The following MROH7 variants were observed in gnomAD, a reference collection of about 807,000 sequenced individuals.
MROH7 encodes maestro heat like repeat family member 7.
Under a neutral mutation model 129.2 loss-of-function variants are expected in MROH7, and 113 were observed. The observed-to-expected ratio is 0.87, with a 90% CI of 0.75 to 1.02. The LOEUF is 1.02. Among genes scored for constraint, MROH7 ranks in the 50% least tolerant of loss-of-function variants. MROH7 has a pLI of 0.00. For missense variants in MROH7, 1,601 were observed against 1,671.3 expected (o/e 0.96, Z 0.73); for synonymous variants, 655 against 667.9 (o/e 0.98, Z 0.30).
chr1:54,681,775 G>A (rs1645072624), intron 13 of MROH7, among the ~76,000 whole-genome samples: 1 of 152,150 alleles, frequency 6.6e-6, no homozygotes, highest in South Asian at 2.1e-4. Flanking sequence ...TGTGACAAGT[G>A]CAGGATCCTA....
chr1:54,699,169 T>TTC (rs1491226353), intron 17 of MROH7: 3 of 114,572 alleles, frequency 2.6e-5, no homozygotes, highest in African/African-American at 9.2e-5. Flanking sequence ...TTTTCTTTCT[T>TTC]TCTTTCTTTC....
At chr1:54,643,691 C>T (rs1390756308) in intron 1 of MROH7, among the ~76,000 whole-genome samples, 1 of 152,290 alleles carries the variant, frequency 6.6e-6, no homozygotes, top group South Asian at 2.1e-4. Context: ...ATAAGCTACA[C>T]CCACACCCCA....
At chr1:54,674,182 G>C in intron 10 of MROH7, 31 bp downstream of exon 10, 1 of 1,599,152 alleles carries the variant, frequency 6.3e-7, no homozygotes, top group South Asian at 1.1e-5. Context: ...TCTGAAGGAA[G>C]TCTTCTGAGT....
intron 12 of MROH7, 150 bp from the exon 13 acceptor site, chr1:54,679,741 C>T (rs547508833): frequency 2.4e-4 from 188 of 794,914 alleles, no homozygotes; most frequent in East Asian, 3.1e-4. Context: ...GAGGGGCAGG[C>T]GCTCTGCTTG....
At chr1:54,670,988 T>C in intron 7 of MROH7, 59 bp downstream of exon 7, 1 of 1,517,730 alleles carries the variant, frequency 6.6e-7, no homozygotes, top group South Asian at 1.3e-5. Flanking sequence ...GGAGGAGATA[T>C]GGAGCTGCAT....
chr1:54,673,625 G>A (rs1431894655), intron 8 of MROH7, 76 bp from the exon 9 acceptor site: 1 of 1,101,452 alleles, frequency 9.1e-7, no homozygotes, highest in Non-Finnish European at 1.4e-6. Flanking sequence ...GCTGATGGGT[G>A]AAGGCTGGCC....
intron 1 of MROH7, among the ~76,000 whole-genome samples, chr1:54,645,651 C>CTTTTTTTT (rs780480424): frequency 5.4e-5 from 6 of 110,228 alleles, no homozygotes; most frequent in African/African-American, 1.8e-4. Context: ...TTCTTTCTTT[C>CTTTTTTTT]TTTCTTTTTT....
intron 3 of MROH7, among the ~76,000 whole-genome samples, chr1:54,661,579 T>G (rs986374968): frequency 6.8e-6 from 1 of 146,206 alleles, no homozygotes; most frequent in Non-Finnish European, 1.5e-5. Context: ...AAATATTATT[T>G]GTTTGTTTGT....
At chr1:54,705,608 G>C (rs1448746656) in intron 21 of MROH7, among the ~76,000 whole-genome samples, 1 of 152,200 alleles carries the variant, frequency 6.6e-6, no homozygotes, top group Non-Finnish European at 1.5e-5. Context: ...AGGTGAAGAA[G>C]AGTGGGAAGG....
At chr1:54,697,622 C>T in intron 17 of MROH7, 1 of 700,734 alleles carries the variant, frequency 1.4e-6, no homozygotes, top group Non-Finnish European at 2.6e-6. Context: ...GTATTGACCT[C>T]TTTCAAATGT....
At position 54,643,136 on chromosome 1, in the gene MROH7, G is replaced by C. The variant is rs926594976; in HGVS notation, c.-110+1168G>C. 3.3e-5 allele frequency among the ~76,000 whole-genome samples: 5 copies of C among 152,188 alleles called. 1 individual carries two copies. The South Asian group carries it at 8.3e-4, about 25-fold the overall frequency. ...TCATTTTCAGAGTAGATGCATATAAGTAAACAGACTGATCCTCTGATACAG... is the reference window on the plus strand; with the variant it reads ...TCATTTTCAGAGTAGATGCATATAACTAAACAGACTGATCCTCTGATACAG... On this transcript the variant is annotated intron_variant, in intron 1 of 23. Coordinates refer to ENST00000421030, the MANE Select transcript of MROH7 (RefSeq NM_001039464.4).
At chr1:54,645,468 A>G (rs868864070) in intron 1 of MROH7, among the ~76,000 whole-genome samples, 7 of 151,688 alleles carry the variant, frequency 4.6e-5, no homozygotes, top group Non-Finnish European at 8.8e-5. Context: ...TTTAGTAGAG[A>G]CAGGGTTTCA....
At chr1:54,666,425 A>ATTTTTTTTTTTTTT (rs71048704) in intron 4 of MROH7, among the ~76,000 whole-genome samples, 1 of 69,220 alleles carries the variant, frequency 1.4e-5, no homozygotes. Context: ...GAGAAGAGGA[A>ATTTTTTTTTTTTTT]TTTTTTTTTT....
chr1:54,645,651 C>CTTTTTTTTTTTTTTTTTTTTTTTTTTTTT lies in MROH7; in HGVS notation c.-110+3686_-110+3687insTTTTTTTTTTTTTTTTTTTTTTTTTTTTT, dbSNP rs780480424. Among the ~76,000 whole-genome samples, 2 of 110,226 alleles carry CTTTTTTTTTTTTTTTTTTTTTTTTTTTTT rather than the reference C, an allele frequency of 1.8e-5. 1 individual carries two copies. The allele number at this position is 110,226 out of a possible 152,430, so 72.3% of individuals were successfully genotyped here. ...GATATTTCTTTTCTTTTCTTTCTTT[C>CTTTTTTTTTTTTTTTTTTTTTTTTTTTTT]TTTCTTTTTTTTTTTTTTTGAGACA... is the stretch of plus-strand genomic sequence containing the variant. On this transcript the variant is annotated intron_variant, in intron 1 of 23. Transcript: ENST00000421030.
chr1:54,678,954 T>G, intron 11 of MROH7, 100 bp downstream of exon 11: 1 of 986,738 alleles, frequency 1.0e-6, no homozygotes, highest in Non-Finnish European at 1.6e-6. Context: ...TTCCAGGCTT[T>G]GCAGGACGCC....
At chr1:54,679,638 G>A (rs896509680) in intron 12 of MROH7, among the ~76,000 whole-genome samples, 199 bp downstream of exon 12, 9 of 152,326 alleles carry the variant, frequency 5.9e-5, no homozygotes, top group East Asian at 1.9e-4. Context: ...CACCCCTGAA[G>A]GAGCTCAACT....
intron 7 of MROH7, 69 bp from the exon 8 acceptor site, chr1:54,673,022 C>A: frequency 8.4e-7 from 1 of 1,192,058 alleles, no homozygotes; most frequent in Non-Finnish European, 1.2e-6. Context: ...TGACCTACAC[C>A]AGGGGCCGCC....
At chr1:54,664,417 G>T (rs1015122978) in intron 3 of MROH7, among the ~76,000 whole-genome samples, 5 of 152,246 alleles carry the variant, frequency 3.3e-5, no homozygotes, top group African/African-American at 1.2e-4. Flanking sequence ...TGGCAGGCAA[G>T]CCTAGGCCTG....
chr1:54,705,172 A>C (rs1645512584), intron 21 of MROH7, among the ~76,000 whole-genome samples: 1 of 152,082 alleles, frequency 6.6e-6, no homozygotes, highest in South Asian at 2.1e-4. Context: ...CCAGCTTGTG[A>C]CCTCTACATT....
Sources: gnomAD v4.1 joint callset for allele counts (sites outside exome capture counted in the v4.1 genomes callset) on GRCh38, gnomAD v4.1.1 for gene constraint, MANE v1.5 for transcripts, NCBI Gene and HGNC (gene_info 2026-07-23, HGNC 2026-07-21) for gene names.